The following FLVCR2 variants were observed in gnomAD, a reference collection of about 807,000 sequenced individuals.
The protein encoded by FLVCR2 is choline/ethanolamine transporter FLVCR2.
Under a neutral mutation model 48.9 loss-of-function variants are expected in FLVCR2, and 38 were observed. The ratio of observed to expected loss-of-function variants is 0.78; its 90% CI spans 0.60 to 1.02. FLVCR2 has a LOEUF of 1.02. Among genes scored for constraint, FLVCR2 ranks in the 50% least tolerant of loss-of-function variants. The pLI is 0.00. For missense variants in FLVCR2, 664 were observed against 663.3 expected (o/e 1.00, Z -0.01); for synonymous variants, 255 against 257.0 (o/e 0.99, Z 0.07).
intron 3 of FLVCR2, among the ~76,000 whole-genome samples, chr14:75,632,033 T>TA (rs1245421459): frequency 1.3e-5 from 2 of 152,186 alleles, no homozygotes; most frequent in African/African-American, 4.8e-5. Context: ...CCCAACCTTG[T>TA]AGCATCCCTG....
intron 1 of FLVCR2, chr14:75,604,123 T>G (rs945841208): frequency 4.6e-5 from 7 of 152,234 alleles, no homozygotes; most frequent in African/African-American, 1.7e-4. Context: ...TACTGAATCC[T>G]TACAGTGTGC....
At chr14:75,592,730 T>C (rs1333552947) in intron 1 of FLVCR2, among the ~76,000 whole-genome samples, 1 of 152,126 alleles carries the variant, frequency 6.6e-6, no homozygotes, top group Non-Finnish European at 1.5e-5. Flanking sequence ...GGCTCATGCC[T>C]GTAATCACAG....
At chr14:75,612,827 G>A (rs1889495246) in intron 1 of FLVCR2, among the ~76,000 whole-genome samples, 1 of 152,170 alleles carries the variant, frequency 6.6e-6, no homozygotes, top group African/African-American at 2.4e-5. Flanking sequence ...CATGTCCCAA[G>A]GTAGCTTGCC....
chr14:75,641,073 T>C lies in FLVCR2; in HGVS notation c.1341+13T>C, dbSNP rs774721659. ...CATATCTGCACAGGTAGAGCTCGTA[T>C]TTCCTGTTTGTTTCCTGGCTGGGAA... On this transcript the variant is annotated intron_variant, in intron 7 of 9. Transcript: ENST00000238667. 2.2e-5 allele frequency: 36 copies of C among 1,604,450 alleles called. No homozygotes were observed. Among genetic ancestry groups the C allele is most frequent in the Non-Finnish European group, 2.9e-5 (34 of 1,171,308 alleles).
chr14:75,589,421 A>C (rs1888830841), intron 1 of FLVCR2, among the ~76,000 whole-genome samples: 1 of 152,240 alleles, frequency 6.6e-6, no homozygotes, highest in African/African-American at 2.4e-5. Flanking sequence ...TTTATGTCAA[A>C]GAAGGGCACA....
intron 4 of FLVCR2, 107 bp downstream of exon 4, chr14:75,633,803 G>C: frequency 1.1e-6 from 1 of 884,066 alleles, no homozygotes; most frequent in Non-Finnish European, 1.9e-6. Context: ...CCAGTTCTAG[G>C]TAGGGTGATA....
At chr14:75,629,763 C>T (rs1012716274) in intron 3 of FLVCR2, among the ~76,000 whole-genome samples, 6 of 152,228 alleles carry the variant, frequency 3.9e-5, no homozygotes, top group Non-Finnish European at 7.3e-5. Flanking sequence ...ACTCAAAGGG[C>T]GTACTTTTCC....
intron 1 of FLVCR2, among the ~76,000 whole-genome samples, chr14:75,600,949 C>A (rs1026063067): frequency 5.9e-5 from 9 of 151,640 alleles, no homozygotes; most frequent in Non-Finnish European, 1.2e-4. Flanking sequence ...TTGCCAAGAC[C>A]AGCTCAGTTG....
intron 3 of FLVCR2, among the ~76,000 whole-genome samples, 177 bp downstream of exon 3, chr14:75,624,929 C>T (rs1056947308): frequency 1.3e-5 from 2 of 149,676 alleles, no homozygotes; most frequent in African/African-American, 5.1e-5. Context: ...GTAAAGTCCA[C>T]CTAGAAAATA....
At chr14:75,599,563 C>G (rs1172598071) in intron 1 of FLVCR2, among the ~76,000 whole-genome samples, 4 of 152,152 alleles carry the variant, frequency 2.6e-5, no homozygotes, top group Admixed American at 2.6e-4. Flanking sequence ...TAATCCCTGT[C>G]AAAATCCCAG....
At chr14:75,586,836 G>C (rs1888764245) in intron 1 of FLVCR2, among the ~76,000 whole-genome samples, 2 of 152,014 alleles carry the variant, frequency 1.3e-5, no homozygotes, top group South Asian at 2.1e-4. Context: ...CAGTGTGCTA[G>C]GGCTGCAAAG....
intron 1 of FLVCR2, among the ~76,000 whole-genome samples, chr14:75,584,379 A>AG (rs1888686726): frequency 6.6e-6 from 1 of 152,044 alleles, no homozygotes; most frequent in African/African-American, 2.4e-5. Flanking sequence ...TTTTTCTAAC[A>AG]TCAGGAGCTG....
chr14:75,605,337 C>T, intron 1 of FLVCR2: 1 of 790,354 alleles, frequency 1.3e-6, no homozygotes, highest in Non-Finnish European at 1.9e-6. Flanking sequence ...TACCTAGCAC[C>T]ATTCCCAAGT....
At chr14:75,590,286 C>T (rs1325940209) in intron 1 of FLVCR2, among the ~76,000 whole-genome samples, 2 of 152,212 alleles carry the variant, frequency 1.3e-5, no homozygotes, top group East Asian at 1.9e-4. Flanking sequence ...GATCTGCCCA[C>T]GTGACCCAAA....
At chr14:75,634,841 A>G in intron 4 of FLVCR2, 69 bp from the exon 5 acceptor site, 1 of 1,014,874 alleles carries the variant, frequency 9.9e-7, no homozygotes, top group South Asian at 1.3e-5. Flanking sequence ...CCTTCACCCC[A>G]TGGTGACTGT....
At chr14:75,628,168 G>A (rs571988198) in intron 3 of FLVCR2, among the ~76,000 whole-genome samples, 1 of 152,200 alleles carries the variant, frequency 6.6e-6, no homozygotes, top group African/African-American at 2.4e-5. Flanking sequence ...AAGCTGGAGT[G>A]CAGTGGCATG....
At chr14:75,584,088 T>G (rs934890929) in intron 1 of FLVCR2, among the ~76,000 whole-genome samples, 2 of 152,128 alleles carry the variant, frequency 1.3e-5, no homozygotes, top group African/African-American at 4.8e-5. Flanking sequence ...TTAGGAGGAA[T>G]CCCGGGCTGC....
intron 1 of FLVCR2, among the ~76,000 whole-genome samples, chr14:75,591,262 C>T (rs1019259735): frequency 6.6e-6 from 1 of 152,170 alleles, no homozygotes; most frequent in African/African-American, 2.4e-5. Flanking sequence ...ATAGTGGTCT[C>T]GAATGCCTGC....
intron 5 of FLVCR2, 69 bp from the exon 6 acceptor site, chr14:75,639,283 G>C: frequency 1.0e-6 from 1 of 955,296 alleles, no homozygotes; most frequent in African/African-American, 1.6e-5. Context: ...GATGCTTGTG[G>C]AATAAATGAA....
Sources: gnomAD v4.1 joint callset for allele counts (sites outside exome capture counted in the v4.1 genomes callset) on GRCh38, gnomAD v4.1.1 for gene constraint, MANE v1.5 for transcripts, NCBI Gene and HGNC (gene_info 2026-07-23, HGNC 2026-07-21) for gene names.